MAGI2: variants seen among roughly 807,000 people sequenced by gnomAD.
The protein encoded by MAGI2 is membrane-associated guanylate kinase, WW and PDZ domain-containing protein 2.
A neutral mutation model predicts 133.3 loss-of-function variants in MAGI2; 35 were observed. That is an observed-to-expected ratio of 0.26 (90% CI 0.20 to 0.35). MAGI2 has a LOEUF of 0.35. MAGI2 is among the 10% of genes least tolerant of loss of function. The probability of loss-of-function intolerance (pLI) is 1.00; values close to 1 mark genes in which losing one functional copy is unlikely to be tolerated. For missense variants in MAGI2, 1,636 were observed against 1,863.4 expected (o/e 0.88, Z 2.25); for synonymous variants, 729 against 710.6 (o/e 1.03, Z -0.41).
chr7:79,161,212 T>C (rs541261225), intron 1 of MAGI2, among the ~76,000 whole-genome samples: 4 of 152,118 alleles, frequency 2.6e-5, no homozygotes, highest in Admixed American at 6.6e-5. Context: ...TCCAGTACTA[T>C]AAAACTGAAG....
At chr7:78,379,439 A>G (rs1044142572) in intron 6 of MAGI2, among the ~76,000 whole-genome samples, 1 of 152,026 alleles carries the variant, frequency 6.6e-6, no homozygotes, top group Non-Finnish European at 1.5e-5. Flanking sequence ...TCAAGTCAAA[A>G]GCTTTAAATA....
intron 1 of MAGI2, among the ~76,000 whole-genome samples, chr7:79,098,801 A>G (rs1275374683): frequency 6.6e-6 from 1 of 152,224 alleles, no homozygotes; most frequent in African/African-American, 2.4e-5. Context: ...CATGAAATAA[A>G]TGGACCCATA....
At chr7:79,270,215 C>T (rs78404598) in intron 1 of MAGI2, among the ~76,000 whole-genome samples, 5,480 of 152,110 alleles carry the variant, frequency 0.036, 141 homozygotes, top group African/African-American at 0.066. Flanking sequence ...CCAATTTGTC[C>T]ATAAAAACCC....
chr7:78,280,853 CAAAAA>C lies in MAGI2; in HGVS notation c.1409-24277_1409-24273del, dbSNP rs36097343. Among the ~76,000 whole-genome samples the C allele has an allele frequency of 1.2e-3, 126 of 108,038 alleles. 1 individual carries two copies. Among genetic ancestry groups the C allele is most frequent in the African/African-American group, 4.1e-3 (113 of 27,522 alleles). The allele number at this position is 108,038 out of a possible 152,430, so 70.9% of individuals were successfully genotyped here. ...ACTTGATCTTCAGGTGATGGGTATA[CAAAAA>C]AAAAAAAAAAAAAAAAAATTGAAAA... is the stretch of plus-strand genomic sequence containing the variant. On this transcript the variant is annotated intron_variant, in intron 9 of 21. Coordinates refer to ENST00000354212, the MANE Select transcript of MAGI2 (RefSeq NM_012301.4).
intron 1 of MAGI2, among the ~76,000 whole-genome samples, chr7:79,103,115 C>A (rs1818135837): frequency 6.6e-6 from 1 of 152,188 alleles, no homozygotes; most frequent in Admixed American, 6.5e-5. Flanking sequence ...AACTACATAC[C>A]TCCTACTGAT....
intron 21 of MAGI2, among the ~76,000 whole-genome samples, chr7:78,067,888 T>A (rs990377199): frequency 1.2e-4 from 19 of 152,272 alleles, no homozygotes; most frequent in African/African-American, 4.1e-4. Context: ...AATACAGAGA[T>A]AATAAGACGG....
chr7:78,755,835 C>T, intron 2 of MAGI2, among the ~76,000 whole-genome samples: 1 of 152,174 alleles, frequency 6.6e-6, no homozygotes, highest in East Asian at 1.9e-4. Flanking sequence ...AACAAATTTG[C>T]CATTAGCAAA....
chr7:78,779,633 C>T (rs1321869630), intron 2 of MAGI2, among the ~76,000 whole-genome samples: 2 of 152,204 alleles, frequency 1.3e-5, no homozygotes, highest in Admixed American at 6.5e-5. Flanking sequence ...ATGACCTTCT[C>T]TTCGAAACAC....
intron 1 of MAGI2, among the ~76,000 whole-genome samples, chr7:79,035,320 T>C (rs1429989769): frequency 1.3e-5 from 2 of 152,110 alleles, no homozygotes; most frequent in Admixed American, 6.6e-5. Flanking sequence ...TTTTGCTTTA[T>C]GAAATATTTG....
chr7:78,188,651 G>A (rs778583434), intron 12 of MAGI2, among the ~76,000 whole-genome samples: 15 of 152,048 alleles, frequency 9.9e-5, no homozygotes, highest in Non-Finnish European at 5.9e-5. Context: ...TAATGCCATC[G>A]GACACCAGCA....
chr7:79,257,819 T>C (rs1833800308), intron 1 of MAGI2, among the ~76,000 whole-genome samples: 1 of 152,108 alleles, frequency 6.6e-6, no homozygotes. Flanking sequence ...AAGGAATAAA[T>C]AAGAGACACA....
At chr7:78,827,014 C>T (rs1365378637) in intron 2 of MAGI2, among the ~76,000 whole-genome samples, 3 of 152,164 alleles carry the variant, frequency 2.0e-5, no homozygotes, top group Non-Finnish European at 2.9e-5. Context: ...GGATTAGAGA[C>T]ATCGGTATAA....
chr7:79,445,850 T>C (rs1586012860), intron 1 of MAGI2, among the ~76,000 whole-genome samples: 1 of 152,364 alleles, frequency 6.6e-6, no homozygotes, highest in East Asian at 1.9e-4. Context: ...CATGCTTCTA[T>C]AAAGACACAT....
intron 15 of MAGI2, among the ~76,000 whole-genome samples, chr7:78,165,313 A>G (rs1429042041): frequency 2.0e-5 from 3 of 151,012 alleles, no homozygotes; most frequent in African/African-American, 7.3e-5. Flanking sequence ...TGACAGAGTG[A>G]GACCTTTTCT....
intron 1 of MAGI2, among the ~76,000 whole-genome samples, chr7:79,375,622 G>T (rs1843331161): frequency 6.6e-6 from 1 of 151,900 alleles, no homozygotes; most frequent in South Asian, 2.1e-4. Context: ...TTGTGAAGCA[G>T]GCTAGACAGA....
intron 2 of MAGI2, among the ~76,000 whole-genome samples, chr7:78,760,715 C>G (rs532939528): frequency 2.1e-4 from 32 of 152,164 alleles, no homozygotes; most frequent in African/African-American, 7.5e-4. Flanking sequence ...TTGTATGTCC[C>G]CAGGAATATT....
intron 2 of MAGI2, among the ~76,000 whole-genome samples, chr7:78,829,413 G>T (rs2151439515): frequency 6.6e-6 from 1 of 151,818 alleles, no homozygotes; most frequent in East Asian, 1.9e-4. Context: ...CCTTTTTCAT[G>T]GCTCAATCAA....
At chr7:78,103,230 A>C (rs1282588491) in intron 20 of MAGI2, among the ~76,000 whole-genome samples, 1 of 152,210 alleles carries the variant, frequency 6.6e-6, no homozygotes, top group Non-Finnish European at 1.5e-5. Flanking sequence ...TTGATATTAG[A>C]TCCCAATATG....
At chr7:78,049,991 G>A (rs965583008) in intron 21 of MAGI2, among the ~76,000 whole-genome samples, 3 of 152,162 alleles carry the variant, frequency 2.0e-5, no homozygotes, top group Non-Finnish European at 4.4e-5. Context: ...TTTGGCCTAT[G>A]AAATATGCCA....
Sources: allele counts gnomAD v4.1 joint callset (sites outside exome capture counted in the v4.1 genomes callset), GRCh38; gene constraint gnomAD v4.1.1; transcripts MANE v1.5; gene names NCBI Gene and HGNC (gene_info 2026-07-23, HGNC 2026-07-21).